The following SAYSD1 variants were observed in gnomAD, a reference collection of about 807,000 sequenced individuals.
SAYSD1 encodes the protein SAYSVFN motif domain containing 1, also known as SAYSvFN domain-containing protein 1.
Under a neutral mutation model 14.5 loss-of-function variants are expected in SAYSD1, and 15 were observed. The ratio of observed to expected loss-of-function variants is 1.03; its 90% CI spans 0.69 to 1.59. SAYSD1 has a LOEUF of 1.59. Ranked by LOEUF, SAYSD1 falls within the 40% of genes most tolerant of loss-of-function variation. The pLI is 0.00. For synonymous variants in SAYSD1, 105 were observed against 102.6 expected, an observed-to-expected ratio of 1.02 and a Z score of -0.14; for missense variants, 247 against 227.3, an observed-to-expected ratio of 1.09 and a Z score of -0.56.
rs144314525 is a variant in SAYSD1, at chr6:39,109,448, G to A, written c.208-3672C>T. The A allele has an allele frequency of 1.4e-4, 214 of 1,541,910 alleles. No homozygotes were observed. The East Asian group carries it at 2.3e-3, about 17-fold the overall frequency. On this transcript the variant is annotated intron_variant, in intron 1 of 1. Coordinates refer to ENST00000229903, the MANE Select transcript of SAYSD1 (RefSeq NM_018322.3). ...TCAATGACTGCTGAAAAGATGCAGC[G>A]GCATTGTCAGTCACAGCGAGGCCCG...
intron 1 of SAYSD1, among the ~76,000 whole-genome samples, chr6:39,114,281 A>C (rs1045577133): frequency 2.0e-5 from 3 of 152,264 alleles, no homozygotes; most frequent in Non-Finnish European, 2.9e-5. Flanking sequence ...AAACAATTAA[A>C]TGTGAAAAGG....
chr6:39,114,706 A>G (rs928540383), intron 1 of SAYSD1, among the ~76,000 whole-genome samples, 177 bp downstream of exon 1: 4 of 152,218 alleles, frequency 2.6e-5, no homozygotes, highest in Admixed American at 1.3e-4. Flanking sequence ...AGAAAATGTC[A>G]AAACTGGTAA....
rs577948889 is a variant in SAYSD1 at position 39,105,392 on chromosome 6, A to G, written c.*40T>C. On this transcript the variant is annotated 3_prime_UTR_variant, in exon 2 of 2. Coordinates refer to ENST00000229903, the MANE Select transcript of SAYSD1 (RefSeq NM_018322.3). ...AAATCCATAGCCAATGGTGAGGAAGACCACATCAGAGGTTAGCTGCATGAC... is the reference window on the plus strand; with the variant it reads ...AAATCCATAGCCAATGGTGAGGAAGGCCACATCAGAGGTTAGCTGCATGAC... The G allele has an allele frequency of 3.2e-6, 5 of 1,558,576 alleles. No individual in the cohort carries two copies. In the African/African-American group the frequency reaches 6.8e-5, roughly 21 times the overall value.
intron 1 of SAYSD1, among the ~76,000 whole-genome samples, chr6:39,107,464 T>C (rs1769527654): frequency 6.6e-6 from 1 of 152,204 alleles, no homozygotes; most frequent in Non-Finnish European, 1.5e-5. Context: ...AAGCCACGTG[T>C]CTCCAGATCC....
chr6:39,105,511 C>T lies in SAYSD1; in HGVS notation c.473G>A (p.Gly158Asp). 6.2e-7 allele frequency: 1 copy of T among 1,614,218 alleles called. No individual in the cohort carries two copies. The highest frequency in any genetic ancestry group is 1.7e-5 in the Admixed American group (1 of 60,030). ...EKSAYSVFNP[G>D]CEAIQGTLTA... ...CAGGGTGCCCTGGATGGCTTCACAG[C>T]CTGGATTGAACACAGAGTAGGCGCT... Residue 158 changes from glycine (G) to aspartate (D), a missense_variant, in exon 2 of 2, where the codon GGC (glycine) becomes GAC (aspartate). Transcript: ENST00000229903.
rs752449444 is a variant in SAYSD1, at chr6:39,114,889, T to TAGGCCGGGCTG, written c.190_200dup (p.Val68SerfsTer4). On this transcript the variant is annotated frameshift_variant, in exon 1 of 2. Transcript: ENST00000229903. LOFTEE classifies it low-confidence loss of function (END_TRUNC). ...GAAGTTTCCATCGTCTCACCTGAAC[T>TAGGCCGGGCTG]AGGCCGGGCTGGGCCCGGGCACTCG... is the stretch of plus-strand genomic sequence containing the variant. The TAGGCCGGGCTG allele has an allele frequency of 1.7e-5, 27 of 1,612,216 alleles. No homozygotes were observed. Among genetic ancestry groups the TAGGCCGGGCTG allele is most frequent in the Non-Finnish European group, 2.3e-5 (27 of 1,179,800 alleles).
At chr6:39,109,524 G>A (rs947283715) in intron 1 of SAYSD1, 109 of 1,453,368 alleles carry the variant, frequency 7.5e-5, no homozygotes, top group Middle Eastern at 2.0e-4. Context: ...AATGGAGGCC[G>A]CAGTGGCTTT....
chr6:39,110,997 A>G (rs1169926352), intron 1 of SAYSD1: 1 of 152,206 alleles, frequency 6.6e-6, no homozygotes, highest in Non-Finnish European at 1.5e-5. Flanking sequence ...GAGCAAGTGC[A>G]AAAGATTCTG....
At chr6:39,110,905 A>T (rs1769613593) in intron 1 of SAYSD1, 1 of 152,182 alleles carries the variant, frequency 6.6e-6, no homozygotes, top group Non-Finnish European at 1.5e-5. Flanking sequence ...GCAACATTAA[A>T]AAAAAAAGAT....
intron 1 of SAYSD1, chr6:39,111,452 T>C (rs565574042): frequency 6.6e-6 from 1 of 152,030 alleles, no homozygotes; most frequent in African/African-American, 2.4e-5. Context: ...TGATGATAAA[T>C]TAATTCAACA....
intron 1 of SAYSD1, chr6:39,109,246 T>G: frequency 7.0e-7 from 1 of 1,428,620 alleles, no homozygotes; most frequent in Non-Finnish European, 9.7e-7. Flanking sequence ...GGTGGTGTGC[T>G]GGGGGCTTGC....
intron 1 of SAYSD1, 144 bp downstream of exon 1, chr6:39,114,739 A>G: frequency 1.3e-6 from 1 of 748,474 alleles, no homozygotes; most frequent in Non-Finnish European, 2.2e-6. Flanking sequence ...GTGTGGCCGG[A>G]GATGAGCGGT....
chr6:39,113,793 T>C (rs1769677801), intron 1 of SAYSD1: 1 of 152,192 alleles, frequency 6.6e-6, no homozygotes, highest in Non-Finnish European at 1.5e-5. Context: ...AAAGTTCTAG[T>C]CAACAATAAA....
At chr6:39,109,965 T>C (rs1769595187) in intron 1 of SAYSD1, among the ~76,000 whole-genome samples, 1 of 152,160 alleles carries the variant, frequency 6.6e-6, no homozygotes, top group Admixed American at 6.5e-5. Context: ...ACAGTTTCTT[T>C]ATCCCTTCAT....
At position 39,104,332 on chromosome 6, in the gene SAYSD1, C is replaced by A. The variant is rs1769451772; in HGVS notation, c.*1100G>T. 6.6e-6 allele frequency: 1 copy of A among 151,982 alleles called. No individual in the cohort carries two copies. Among genetic ancestry groups the A allele is most frequent in the African/African-American group, 2.4e-5 (1 of 41,290 alleles). 9.4% of individuals were successfully genotyped at this position (151,982 alleles called of 1,614,324 possible). A position where few individuals can be genotyped will look rare whatever the true frequency, so the allele number is the denominator to read the frequency against. On this transcript the variant is annotated 3_prime_UTR_variant, in exon 2 of 2. Transcript: ENST00000229903. ...AAAATGGAATGAGAGAAGCCCTAAC[C>A]CAATGGGAGTTTGCCTAATTTTAAT...
intron 1 of SAYSD1, 95 bp downstream of exon 1, chr6:39,114,788 T>TCCGGCAGCTAGGGCCACACCC: frequency 7.8e-7 from 1 of 1,287,940 alleles, no homozygotes; most frequent in South Asian, 1.3e-5. Context: ...TAGCCCCGCC[T>TCCGGCAGCTAGGGCCACACCC]CCGGCAGCTA....
intron 1 of SAYSD1, among the ~76,000 whole-genome samples, chr6:39,114,321 GT>G (rs1451204992): frequency 6.6e-6 from 1 of 151,840 alleles, no homozygotes; most frequent in Non-Finnish European, 1.5e-5. Context: ...TTTTTTGTTT[GT>G]GTCTTGAACA....
chr6:39,105,850 G>GCAGTTT, intron 1 of SAYSD1, 74 bp from the exon 2 acceptor site: 2 of 1,399,352 alleles, frequency 1.4e-6, no homozygotes, highest in Non-Finnish European at 2.0e-6. Context: ...ATCTGAAAAG[G>GCAGTTT]CAGTTTTCAT....
At chr6:39,108,026 A>T (rs1282852353) in intron 1 of SAYSD1, among the ~76,000 whole-genome samples, 1 of 152,210 alleles carries the variant, frequency 6.6e-6, no homozygotes, top group Non-Finnish European at 1.5e-5. Context: ...AGCAAGAGAG[A>T]GCCAGACATT....
Sources: allele counts gnomAD v4.1 joint callset (sites outside exome capture counted in the v4.1 genomes callset), GRCh38; gene constraint gnomAD v4.1.1; transcripts MANE v1.5; gene names NCBI Gene and HGNC (gene_info 2026-07-23, HGNC 2026-07-21).